The following AUTS2 variants were observed in gnomAD, a reference collection of about 807,000 sequenced individuals.
The protein encoded by AUTS2 is autism susceptibility gene 2 protein.
A neutral mutation model predicts 112.4 loss-of-function variants in AUTS2; 17 were observed. That is an observed-to-expected ratio of 0.15 (90% CI 0.10 to 0.23). The LOEUF (loss-of-function observed/expected upper bound fraction) is 0.23. Ranked by LOEUF, AUTS2 falls within the 10% of genes least tolerant of loss-of-function variation. The pLI is 1.00. For missense variants in AUTS2, 1,510 were observed against 1,701.6 expected (o/e 0.89, Z 1.98); for synonymous variants, 751 against 702.7 (o/e 1.07, Z -1.09).
At chr7:69,953,234 G>T (rs1231274262) in intron 2 of AUTS2, among the ~76,000 whole-genome samples, 1 of 152,072 alleles carries the variant, frequency 6.6e-6, no homozygotes, top group Non-Finnish European at 1.5e-5. Context: ...CACTAGACAC[G>T]CCTGATGCCC....
intron 5 of AUTS2, among the ~76,000 whole-genome samples, chr7:70,441,449 A>C (rs1231796411): frequency 6.6e-6 from 1 of 152,112 alleles, no homozygotes; most frequent in African/African-American, 2.4e-5. Flanking sequence ...ACAATGGCAT[A>C]ATCTTAGCTC....
At chr7:70,386,158 T>C (rs1454929192) in intron 4 of AUTS2, among the ~76,000 whole-genome samples, 1 of 152,182 alleles carries the variant, frequency 6.6e-6, no homozygotes, top group African/African-American at 2.4e-5. Context: ...CCTCAGTCTT[T>C]CCACTGCCAT....
chr7:70,791,899 A>G lies in AUTS2; in HGVS notation c.*903A>G. On this transcript the variant is annotated 3_prime_UTR_variant, in exon 19 of 19. Coordinates refer to ENST00000342771, the MANE Select transcript of AUTS2 (RefSeq NM_015570.4). The stretch of plus-strand genomic sequence containing the variant: ...GGGAGGGTGGGATTTGCCAGATGCC[A>G]AAATCAGGGGACGGGTGGTGGTGTC... The G allele has an allele frequency of 6.6e-6, 1 of 152,380 alleles. No individual in the cohort carries two copies. 9.4% of individuals were successfully genotyped at this position (152,380 alleles called of 1,614,324 possible).
chr7:69,993,444 A>G (rs570289873), intron 2 of AUTS2, among the ~76,000 whole-genome samples: 10 of 152,236 alleles, frequency 6.6e-5, no homozygotes, highest in African/African-American at 2.4e-4. Flanking sequence ...AAAAACAATA[A>G]TGGGTTTTTG....
chr7:70,238,358 G>A (rs1449262656), intron 4 of AUTS2, among the ~76,000 whole-genome samples: 1 of 152,152 alleles, frequency 6.6e-6, no homozygotes, highest in Non-Finnish European at 1.5e-5. Flanking sequence ...TAGCTTTGCC[G>A]GCAAGGCCTT....
intron 1 of AUTS2, among the ~76,000 whole-genome samples, chr7:69,857,166 C>T (rs928351803): frequency 2.0e-5 from 3 of 152,188 alleles, no homozygotes; most frequent in African/African-American, 7.2e-5. Flanking sequence ...CACACATACA[C>T]TTAGAGGGCT....
intron 3 of AUTS2, among the ~76,000 whole-genome samples, chr7:70,132,505 G>A (rs987906023): frequency 8.5e-5 from 13 of 152,154 alleles, no homozygotes; most frequent in East Asian, 5.8e-4. Flanking sequence ...ATGATTCTGC[G>A]TGTAGCTATA....
intron 2 of AUTS2, among the ~76,000 whole-genome samples, chr7:70,049,157 G>C (rs1198692820): frequency 6.6e-6 from 1 of 152,088 alleles, no homozygotes; most frequent in Non-Finnish European, 1.5e-5. Context: ...TATTTAACCA[G>C]TTCCTTGCTG....
Position 70,460,451 on chromosome 7 carries a change from A to G in AUTS2, c.690+24670A>G, listed in dbSNP as rs539982232. 3.0e-3 allele frequency among the ~76,000 whole-genome samples: 445 copies of G among 146,310 alleles called. 3 individuals are homozygous for G. Among genetic ancestry groups the G allele is most frequent in the African/African-American group, 0.011 (422 of 39,358 alleles). ...CTGCAAGCTCCACTTCCCAGGTTCAAGTGATTCTCCGGCCTCAGCCTCCTG... is the reference window on the plus strand; with the variant it reads ...CTGCAAGCTCCACTTCCCAGGTTCAGGTGATTCTCCGGCCTCAGCCTCCTG... On this transcript the variant is annotated intron_variant, in intron 5 of 18. Coordinates refer to ENST00000342771, the MANE Select transcript of AUTS2 (RefSeq NM_015570.4).
intron 4 of AUTS2, among the ~76,000 whole-genome samples, chr7:70,365,886 T>C (rs936445329): frequency 2.6e-5 from 4 of 152,320 alleles, no homozygotes; most frequent in South Asian, 2.1e-4. Flanking sequence ...GTTACTAACA[T>C]TCATCCTTTA....
intron 6 of AUTS2, among the ~76,000 whole-genome samples, chr7:70,728,425 G>C (rs1787157966): frequency 6.6e-6 from 1 of 152,034 alleles, no homozygotes; most frequent in Non-Finnish European, 1.5e-5. Flanking sequence ...CCATCTGGAG[G>C]CCGGGCATGG....
At chr7:70,138,179 T>A (rs1172737984) in intron 4 of AUTS2, among the ~76,000 whole-genome samples, 1 of 152,234 alleles carries the variant, frequency 6.6e-6, no homozygotes, top group Non-Finnish European at 1.5e-5. Flanking sequence ...GTACACCTGT[T>A]CAATATATTC....
intron 4 of AUTS2, among the ~76,000 whole-genome samples, chr7:70,325,229 C>T (rs1409282361): frequency 2.6e-5 from 4 of 151,932 alleles, no homozygotes; most frequent in Non-Finnish European, 5.9e-5. Context: ...GAGACTGAGG[C>T]GGGAGCATCG....
At chr7:70,117,150 G>A (rs1347451005) in intron 2 of AUTS2, among the ~76,000 whole-genome samples, 1 of 120,072 alleles carries the variant, frequency 8.3e-6, no homozygotes, top group South Asian at 2.6e-4. Flanking sequence ...TTTTTTTTTG[G>A]TGTAGTACCA....
chr7:70,434,753 G>C (rs1333790549), intron 4 of AUTS2, among the ~76,000 whole-genome samples: 1 of 152,166 alleles, frequency 6.6e-6, no homozygotes, highest in Non-Finnish European at 1.5e-5. Flanking sequence ...ATGTCTTACT[G>C]CTAAACGGAA....
chr7:70,364,408 CA>C (rs901551397), intron 4 of AUTS2, among the ~76,000 whole-genome samples: 2 of 150,856 alleles, frequency 1.3e-5, no homozygotes, highest in Admixed American at 6.6e-5. Flanking sequence ...ACTAAAAATA[CA>C]AAAAAAATTA....
intron 6 of AUTS2, among the ~76,000 whole-genome samples, chr7:70,752,900 A>AT (rs1264789085): frequency 6.6e-6 from 1 of 152,174 alleles, no homozygotes; most frequent in Non-Finnish European, 1.5e-5. Context: ...AAAGCTCTTC[A>AT]TTCTGTAGGC....
chr7:70,744,678 G>T (rs972370688), intron 6 of AUTS2, among the ~76,000 whole-genome samples: 1 of 152,196 alleles, frequency 6.6e-6, no homozygotes, highest in African/African-American at 2.4e-5. Context: ...ATTCGAGGTG[G>T]CAAGAGCAGC....
rs1250866607 is a variant in AUTS2, at chr7:70,781,600, C to A, written c.2005-15C>A. On this transcript the variant is annotated splice_polypyrimidine_tract_variant and intron_variant, in intron 14 of 18. Coordinates refer to ENST00000342771, the MANE Select transcript of AUTS2 (RefSeq NM_015570.4). ...TGTTGGCCTTGGGACCCTTACTGTTCCCCTTGCTGTGTAGAAACAGATGCA... is the reference window on the plus strand; with the variant it reads ...TGTTGGCCTTGGGACCCTTACTGTTACCCTTGCTGTGTAGAAACAGATGCA... 1 of 1,613,622 alleles carries A rather than the reference C, an allele frequency of 6.2e-7. No individual in the cohort carries two copies. The highest frequency in any genetic ancestry group is 1.7e-5 in the Admixed American group (1 of 59,956).
Sources: gnomAD v4.1 joint callset for allele counts (sites outside exome capture counted in the v4.1 genomes callset) on GRCh38, gnomAD v4.1.1 for gene constraint, MANE v1.5 for transcripts, NCBI Gene and HGNC (gene_info 2026-07-23, HGNC 2026-07-21) for gene names.